PRSS48: variants seen among roughly 807,000 people sequenced by gnomAD.
PRSS48 encodes the protein epidermis-specific serine protease-like protein.
In PRSS48, 21 loss-of-function variants were observed where a neutral mutation model predicts 25.6. The ratio of observed to expected loss-of-function variants is 0.82; its 90% CI spans 0.58 to 1.18. PRSS48 has a LOEUF of 1.18. PRSS48 is among the 50% of genes most tolerant of loss of function. PRSS48 has a pLI of 0.00. For synonymous variants in PRSS48, 150 were observed against 149.3 expected (o/e 1.00, Z -0.04); for missense variants, 373 against 399.3 (o/e 0.93, Z 0.56).
chr4:151,280,496 C>G (rs1774109228), intron 2 of PRSS48, among the ~76,000 whole-genome samples: 1 of 152,204 alleles, frequency 6.6e-6, no homozygotes, highest in Non-Finnish European at 1.5e-5. Flanking sequence ...ACACCTGATT[C>G]CTGACCCATA....
chr4:151,283,248 T>G, exon 4 of PRSS48: 2 of 1,613,784 alleles, frequency 1.2e-6, no homozygotes, highest in Non-Finnish European at 1.7e-6. Context: ...AGACAAGATT[T>G]GTGCTGGTGA....
chr4:151,286,616 A>C (rs1038942267), intron 4 of PRSS48, among the ~76,000 whole-genome samples: 1 of 151,230 alleles, frequency 6.6e-6, no homozygotes, highest in Non-Finnish European at 1.5e-5. Flanking sequence ...AAAAAAAAAA[A>C]CTACGAAGAA....
At chr4:151,291,276 C>T (rs575033863) in exon 5 of PRSS48, 2 of 1,614,004 alleles carry the variant, frequency 1.2e-6, no homozygotes, top group African/African-American at 2.7e-5. Flanking sequence ...CAAGAGCCAA[C>T]AATCTAGACT....
At position 151,286,850 on chromosome 4, in the gene PRSS48, T is replaced by C. The variant is rs1158696857; in HGVS notation, c.651+3564T>C. Among the ~76,000 whole-genome samples the C allele has an allele frequency of 2.6e-5, 4 of 151,658 alleles. No homozygotes were observed. In the East Asian group the frequency reaches 5.8e-4, roughly 22 times the overall value. On this transcript the variant is annotated intron_variant, in intron 4 of 4. Coordinates refer to ENST00000455694, the Ensembl canonical transcript of PRSS48. ...CAAAAATTAGCCAGGCATGGTGGCA[T>C]GTGCCTGTATTCCCAGCTACTCGGG...
chr4:151,283,307 AT>A (rs754526340), intron 4 of PRSS48, 21 bp downstream of exon 4: 125 of 1,594,110 alleles, frequency 7.8e-5, no homozygotes, highest in Admixed American at 1.7e-4. Flanking sequence ...GCTCTAGAGA[AT>A]TTTTTTTTAA....
Position 151,277,244 on chromosome 4 carries a change from TG to T in PRSS48, c.52+21del. 1 of 1,487,626 alleles carries T rather than the reference TG, an allele frequency of 6.7e-7. No homozygotes were observed. The highest frequency in any genetic ancestry group is 9.0e-7 in the Non-Finnish European group (1 of 1,107,518). The allele number at this position is 1,487,626 out of a possible 1,614,324, so 92.2% of individuals were successfully genotyped here. ...TCTCAGGTGAGCGCCAGGGTGGGGT[TG>T]AGAAGGCAGAGGCAGAGGATTTTTA... On this transcript the variant is annotated intron_variant, in intron 1 of 4. Transcript: ENST00000455694.
exon 3 of PRSS48, chr4:151,282,374 T>G: frequency 6.2e-7 from 1 of 1,613,904 alleles, no homozygotes; most frequent in Non-Finnish European, 8.5e-7. Flanking sequence ...TCCACCCTTT[T>G]GTTGGGTGAC....
intron 4 of PRSS48, among the ~76,000 whole-genome samples, chr4:151,286,265 T>C (rs1271195316): frequency 1.1e-5 from 1 of 89,464 alleles, no homozygotes; most frequent in African/African-American, 4.2e-5. Flanking sequence ...ATTACTGAAA[T>C]AGAGAACAGA....
chr4:151,291,010 G>A (rs1320952003), intron 4 of PRSS48, 108 bp from the exon 5 acceptor site: 1 of 770,612 alleles, frequency 1.3e-6, no homozygotes, highest in Non-Finnish European at 2.1e-6. Flanking sequence ...GGGTTCCACA[G>A]CTCCATGGGT....
At chr4:151,283,088 T>C in intron 3 of PRSS48, 29 bp from the exon 4 acceptor site, 1 of 1,609,888 alleles carries the variant, frequency 6.2e-7, no homozygotes, top group South Asian at 1.1e-5. Context: ...TAGGTTGCTT[T>C]AATCTTTTGT....
intron 1 of PRSS48, chr4:151,279,013 T>A (rs572240098): frequency 7.4e-6 from 2 of 271,390 alleles, no homozygotes; most frequent in South Asian, 9.4e-5. Context: ...GTGTGCTAGC[T>A]ACCAGCTAGA....
chr4:151,291,428 G>C lies in PRSS48; in HGVS notation c.962G>C (p.Trp321Ser), dbSNP rs139243794. 1.4e-3 allele frequency: 2,248 copies of C among 1,612,792 alleles called. 29 individuals are homozygous for C. The African/African-American group carries it at 0.025, about 18-fold the overall frequency. Reference sequence around the variant, plus strand: ...ATACAGGGCTGGGAAGAGAATGCATGGAGATTTAGTCCCAGGGGCAGATAA... The same window carrying C: ...ATACAGGGCTGGGAAGAGAATGCATCGAGATTTAGTCCCAGGGGCAGATAA... The change falls in exon 5 of 5, where the codon TGG (tryptophan) becomes TCG (serine). Residue 321 changes from tryptophan to serine, a missense_variant. Trp to Ser is a radical substitution (Grantham distance 177). Transcript: ENST00000455694.
chr4:151,279,035 T>C, intron 1 of PRSS48: 2 of 356,806 alleles, frequency 5.6e-6, no homozygotes, highest in South Asian at 2.6e-5. Context: ...CTCACACTTG[T>C]ATGTAGTGTG....
intron 2 of PRSS48, 124 bp downstream of exon 2, chr4:151,280,082 T>C (rs181478908): frequency 6.2e-4 from 719 of 1,163,368 alleles, no homozygotes; most frequent in Non-Finnish European, 7.8e-4. Flanking sequence ...ACCCAGGTCA[T>C]GTCAGACTAT....
intron 4 of PRSS48, among the ~76,000 whole-genome samples, chr4:151,285,262 A>T (rs1366912890): frequency 6.6e-6 from 1 of 152,184 alleles, no homozygotes; most frequent in Non-Finnish European, 1.5e-5. Context: ...TCCCATAAGA[A>T]ATTTTAAAAA....
intron 4 of PRSS48, among the ~76,000 whole-genome samples, chr4:151,286,280 C>T (rs1774776739): frequency 8.7e-6 from 1 of 114,318 alleles, no homozygotes; most frequent in Admixed American, 8.5e-5. Flanking sequence ...AACAGAAAGA[C>T]AATAGAGAAA....
intron 1 of PRSS48, among the ~76,000 whole-genome samples, chr4:151,279,568 A>T (rs1433545683): frequency 6.6e-6 from 1 of 152,152 alleles, no homozygotes; most frequent in Non-Finnish European, 1.5e-5. Flanking sequence ...TTTCTTCCTT[A>T]GGTTCTTGCT....
At chr4:151,286,193 A>AC (rs1302042889) in intron 4 of PRSS48, among the ~76,000 whole-genome samples, 1 of 149,764 alleles carries the variant, frequency 6.7e-6, no homozygotes. Context: ...AGAAAAAAAA[A>AC]AAAAAAAAAA....
At chr4:151,279,047 T>C in intron 1 of PRSS48, 1 of 384,352 alleles carries the variant, frequency 2.6e-6, no homozygotes, top group South Asian at 2.2e-5. Flanking sequence ...TGTAGTGTGC[T>C]GTTGTCAGTA....
Sources: gnomAD v4.1 joint callset for allele counts (sites outside exome capture counted in the v4.1 genomes callset) on GRCh38, gnomAD v4.1.1 for gene constraint, MANE v1.5 for transcripts, NCBI Gene and HGNC (gene_info 2026-07-23, HGNC 2026-07-21) for gene names.